The following HPCAL1 variants were observed in gnomAD, a reference collection of about 807,000 sequenced individuals.
HPCAL1 encodes hippocalcin like 1, also known as hippocalcin-like protein 1.
HPCAL1 carries 8 observed loss-of-function variants against 17.1 expected under a neutral mutation model. That is an observed-to-expected ratio of 0.47 (90% CI 0.27 to 0.84). The LOEUF is 0.84. Ranked by LOEUF, HPCAL1 falls within the 40% of genes least tolerant of loss-of-function variation. The pLI is 0.13. For synonymous variants in HPCAL1, 112 were observed against 111.4 expected, an observed-to-expected ratio of 1.01 and a Z score of -0.03; for missense variants, 165 against 271.1, an observed-to-expected ratio of 0.61 and a Z score of 2.75.
At chr2:10,317,567 A>AC (rs1663398954) in intron 1 of HPCAL1, among the ~76,000 whole-genome samples, 1 of 152,036 alleles carries the variant, frequency 6.6e-6, no homozygotes, top group African/African-American at 2.4e-5. Flanking sequence ...ACCGGGATGC[A>AC]CCACCATGCC....
chr2:10,344,054 A>G lies in HPCAL1; in HGVS notation c.-111+40877A>G, dbSNP rs1665254319. Reference sequence around the variant, plus strand: ...TCTAACTGGGTTACTGAGCTGTCGAAGGAGCAGGGATGAAGACTCCCTTAT... The same window carrying G: ...TCTAACTGGGTTACTGAGCTGTCGAGGGAGCAGGGATGAAGACTCCCTTAT... On this transcript the variant is annotated intron_variant, in intron 1 of 4. Transcript: ENST00000307845. The surrounding 1 kb of genome is among the most constrained non-coding windows in gnomAD (Gnocchi z 4.9). 6.6e-6 allele frequency among the ~76,000 whole-genome samples: 1 copy of G among 152,234 alleles called. No individual in the cohort carries two copies. The highest frequency in any genetic ancestry group is 2.1e-4 in the South Asian group (1 of 4,836).
chr2:10,373,437 G>A (rs1259704115), intron 1 of HPCAL1, among the ~76,000 whole-genome samples: 2 of 152,124 alleles, frequency 1.3e-5, no homozygotes, highest in South Asian at 2.1e-4. Context: ...CAGATCATCC[G>A]ACTCGATAAT....
intron 1 of HPCAL1, among the ~76,000 whole-genome samples, chr2:10,309,413 G>C (rs1386099376): frequency 1.3e-5 from 2 of 152,210 alleles, no homozygotes; most frequent in Non-Finnish European, 2.9e-5. Context: ...GAAAGTAGAA[G>C]GATCAAGAAT....
chr2:10,318,951 G>A (rs757329451), intron 1 of HPCAL1, among the ~76,000 whole-genome samples: 1 of 152,178 alleles, frequency 6.6e-6, no homozygotes, highest in East Asian at 1.9e-4. Flanking sequence ...TGATGGACAC[G>A]GCCTTGTAGC....
In HPCAL1 at chr2:10,343,650, G is replaced by A. The variant is rs1455723467; in HGVS notation, c.-111+40473G>A. On this transcript the variant is annotated intron_variant, in intron 1 of 4. Transcript: ENST00000307845. This position sits in a 1 kb window ranked among gnomAD's most constrained non-coding sequence, Gnocchi z 4.8. ...TTTGACTGCAGACACTGGATTGACC[G>A]TGGCCAATGCCAAGTCCAAGAGATC... is the stretch of plus-strand genomic sequence containing the variant. Among the ~76,000 whole-genome samples, 6 of 152,226 alleles carry A rather than the reference G, an allele frequency of 3.9e-5. No individual in the cohort carries two copies. The highest frequency in any genetic ancestry group is 2.1e-4 in the South Asian group (1 of 4,836).
chr2:10,311,485 T>A (rs1020334771), intron 1 of HPCAL1, among the ~76,000 whole-genome samples: 2 of 152,222 alleles, frequency 1.3e-5, no homozygotes, highest in African/African-American at 4.8e-5. Flanking sequence ...GCTGCTTTTA[T>A]GAGCACATGT....
chr2:10,339,932 C>T (rs1284130871), intron 1 of HPCAL1, among the ~76,000 whole-genome samples: 1 of 152,204 alleles, frequency 6.6e-6, no homozygotes, highest in Admixed American at 6.5e-5. Context: ...TCCTACTGGG[C>T]ATCACAGGTG....
At chr2:10,322,712 C>A (rs1663741221) in intron 1 of HPCAL1, among the ~76,000 whole-genome samples, 1 of 152,208 alleles carries the variant, frequency 6.6e-6, no homozygotes, top group Admixed American at 6.5e-5. Context: ...AGGTTGAAAT[C>A]CATGTGCTAA....
chr2:10,414,300 G>T (rs1423755313), intron 2 of HPCAL1, among the ~76,000 whole-genome samples: 1 of 152,234 alleles, frequency 6.6e-6, no homozygotes, highest in Non-Finnish European at 1.5e-5. Flanking sequence ...TGTAACACGG[G>T]ACTGCAGACT....
intron 2 of HPCAL1, among the ~76,000 whole-genome samples, chr2:10,407,440 G>A (rs577528927): frequency 9.2e-5 from 14 of 152,352 alleles, no homozygotes; most frequent in South Asian, 6.2e-4. Flanking sequence ...TGTGCTAGGC[G>A]CTTGGAATAC....
intron 2 of HPCAL1, among the ~76,000 whole-genome samples, chr2:10,418,893 C>T (rs964350700): frequency 2.0e-5 from 3 of 152,060 alleles, no homozygotes; most frequent in African/African-American, 2.4e-5. Context: ...TCCTCCCACC[C>T]GGGGCAGTTT....
intron 2 of HPCAL1, among the ~76,000 whole-genome samples, chr2:10,407,294 G>A (rs554778746): frequency 6.6e-6 from 1 of 152,298 alleles, no homozygotes; most frequent in African/African-American, 2.4e-5. Context: ...AATCTGAGCA[G>A]GAGAGCACTT....
chr2:10,377,196 G>A lies in HPCAL1; in HGVS notation c.-110-19639G>A, dbSNP rs1162497494. Among the ~76,000 whole-genome samples the A allele has an allele frequency of 2.6e-5, 4 of 152,158 alleles. No homozygotes were observed. Among genetic ancestry groups the A allele is most frequent in the Non-Finnish European group, 5.9e-5 (4 of 68,026 alleles). ...TAGTGAGGCTGCATCCTTCTAGAAA[G>A]CGCTGTTGAGAGGTGTGAGGAGGCT... is the stretch of plus-strand genomic sequence containing the variant. On this transcript the variant is annotated intron_variant, in intron 1 of 4. Transcript: ENST00000307845. This position sits in a 1 kb window ranked among gnomAD's most constrained non-coding sequence, Gnocchi z 5.9.
In HPCAL1 at chr2:10,427,088, C is replaced by T. The variant is rs752490455; in HGVS notation, c.*267C>T. 2.1e-6 allele frequency: 1 copy of T among 465,540 alleles called. No individual in the cohort carries two copies. The highest frequency in any genetic ancestry group is 3.9e-6 in the Non-Finnish European group (1 of 254,070). The allele number at this position is 465,540 out of a possible 1,614,324, so 28.8% of individuals were successfully genotyped here. A position where few individuals can be genotyped will look rare whatever the true frequency, so the allele number is the denominator to read the frequency against. ...GGGTTCAAGTGTTCTTGGTTCCAGG[C>T]ACCTCCCGGCTCACGGGGAGCTCAG... On this transcript the variant is annotated 3_prime_UTR_variant, in exon 5 of 5. Transcript: ENST00000307845.
intron 1 of HPCAL1, among the ~76,000 whole-genome samples, chr2:10,390,059 T>C (rs1668592693): frequency 6.6e-6 from 1 of 152,216 alleles, no homozygotes. Context: ...CAGTAAGACA[T>C]TGCACATTCT....
chr2:10,424,075 AGAGT>A (rs1671251986), intron 4 of HPCAL1: 1 of 174,496 alleles, frequency 5.7e-6, no homozygotes. Context: ...CCTGGGCGAT[AGAGT>A]GAGACTCCAT....
chr2:10,424,431 C>T (rs753398233), intron 4 of HPCAL1: 1 of 461,790 alleles, frequency 2.2e-6, no homozygotes, highest in Non-Finnish European at 4.5e-6. Flanking sequence ...GAATCCGGTC[C>T]CATGGGGTTG....
chr2:10,336,600 C>T (rs924783633), intron 1 of HPCAL1, among the ~76,000 whole-genome samples: 1 of 152,228 alleles, frequency 6.6e-6, no homozygotes. Context: ...CTTTGTCCCT[C>T]AAGTGACATG....
chr2:10,370,232 C>T (rs892691362), intron 1 of HPCAL1, among the ~76,000 whole-genome samples: 2 of 152,254 alleles, frequency 1.3e-5, no homozygotes, highest in Non-Finnish European at 2.9e-5. Flanking sequence ...TATCTTCTTC[C>T]AATCGAATTC....
Sources: allele counts gnomAD v4.1 joint callset (sites outside exome capture counted in the v4.1 genomes callset), GRCh38; gene constraint gnomAD v4.1.1; non-coding constraint Gnocchi (gnomAD v3.1); transcripts MANE v1.5; gene names NCBI Gene and HGNC (gene_info 2026-07-23, HGNC 2026-07-21).